UNC5D: variants seen among roughly 807,000 people sequenced by gnomAD.
UNC5D encodes netrin receptor UNC5D.
A neutral mutation model predicts 105.4 loss-of-function variants in UNC5D; 39 were observed. The ratio of observed to expected loss-of-function variants is 0.37; its 90% CI spans 0.29 to 0.48. The LOEUF is 0.48. UNC5D is among the 20% of genes least tolerant of loss of function. UNC5D has a pLI of 0.98. For missense variants in UNC5D, 991 were observed against 1,202.4 expected (o/e 0.82, Z 2.60); for synonymous variants, 452 against 450.4 (o/e 1.00, Z -0.04).
intron 1 of UNC5D, among the ~76,000 whole-genome samples, chr8:35,271,688 C>T (rs1030831986): frequency 1.2e-3 from 11 of 9,376 alleles, no homozygotes; most frequent in Non-Finnish European, 4.0e-3. Flanking sequence ...TATATGTATA[C>T]ATGTATACAT....
At chr8:35,400,779 A>G (rs573397684) in intron 1 of UNC5D, among the ~76,000 whole-genome samples, 190 of 152,268 alleles carry the variant, frequency 1.2e-3, no homozygotes, top group African/African-American at 4.2e-3. Context: ...CACCCCTCTC[A>G]TTCAGCTCCA....
At chr8:35,322,360 C>G (rs1342891219) in intron 1 of UNC5D, among the ~76,000 whole-genome samples, 1 of 149,958 alleles carries the variant, frequency 6.7e-6, no homozygotes, top group Admixed American at 6.6e-5. Flanking sequence ...TTTTGGTTCC[C>G]TTTTGAAAGT....
At chr8:35,243,778 T>C (rs1056543957) in intron 1 of UNC5D, among the ~76,000 whole-genome samples, 1 of 152,202 alleles carries the variant, frequency 6.6e-6, no homozygotes, top group African/African-American at 2.4e-5. Context: ...TGATGCAAGT[T>C]CCATCTCATT....
At chr8:35,356,384 G>A (rs1344816712) in intron 1 of UNC5D, among the ~76,000 whole-genome samples, 1 of 151,960 alleles carries the variant, frequency 6.6e-6, no homozygotes. Context: ...GATGCCTCTG[G>A]GCATCCAACT....
At position 35,704,960 on chromosome 8, in the gene UNC5D, CTTTTT is replaced by C. The variant is rs1001514087; in HGVS notation, c.1085-950_1085-946del. Among the ~76,000 whole-genome samples the C allele has an allele frequency of 1.9e-4, 22 of 115,584 alleles. No individual in the cohort carries two copies. In the South Asian group the frequency reaches 6.0e-3, roughly 31 times the overall value. 75.8% of individuals were successfully genotyped at this position (115,584 alleles called of 152,430 possible). ...TGACTCCTGTGGCCATGCTGAATGC[CTTTTT>C]TTTTTTTTTTTTTTTTTTGAGACGG... On this transcript the variant is annotated intron_variant, in intron 7 of 16. Coordinates refer to ENST00000404895, the MANE Select transcript of UNC5D (RefSeq NM_080872.4).
rs1029840957 is a variant in UNC5D, at chr8:35,687,333, T to G, written c.1084+624T>G. Among the ~76,000 whole-genome samples the G allele has an allele frequency of 4.6e-5, 7 of 151,048 alleles. No homozygotes were observed. The South Asian group carries it at 1.5e-3, about 32-fold the overall frequency. On this transcript the variant is annotated intron_variant, in intron 7 of 16. Coordinates refer to ENST00000404895, the MANE Select transcript of UNC5D (RefSeq NM_080872.4). ...GGTGGGCGCCTGTAGTCCCAGCTAC[T>G]CAGGAGGCTGAGGCAGGAGAATGCC...
intron 13 of UNC5D, among the ~76,000 whole-genome samples, chr8:35,751,846 C>G (rs570794894): frequency 6.6e-6 from 1 of 152,064 alleles, no homozygotes; most frequent in Non-Finnish European, 1.5e-5. Flanking sequence ...CAGACACAAA[C>G]GGAGAAGAGT....
At chr8:35,767,102 T>A (rs1286028689) in intron 15 of UNC5D, 36 bp downstream of exon 15, 3 of 1,570,986 alleles carry the variant, frequency 1.9e-6, no homozygotes, top group South Asian at 2.4e-5. Context: ...TGACCCCCTT[T>A]CTGAAGGACG....
intron 1 of UNC5D, among the ~76,000 whole-genome samples, chr8:35,258,319 C>T (rs2128818901): frequency 6.6e-6 from 1 of 152,352 alleles, no homozygotes; most frequent in South Asian, 2.1e-4. Flanking sequence ...CATATGGTTG[C>T]ATTGGGGATT....
intron 1 of UNC5D, among the ~76,000 whole-genome samples, chr8:35,378,329 C>T (rs766679172): frequency 3.3e-5 from 5 of 152,108 alleles, no homozygotes; most frequent in Admixed American, 6.5e-5. Context: ...GTTGTCTTGC[C>T]GTACTTCCCT....
Position 35,459,825 on chromosome 8 carries a change from C to T in UNC5D, c.104-89467C>T, listed in dbSNP as rs367726978. Among the ~76,000 whole-genome samples the T allele has an allele frequency of 1.4e-4, 22 of 152,202 alleles. No homozygotes were observed. In the East Asian group the frequency reaches 1.9e-3, roughly 13 times the overall value. ...TGTGTTTTGATTTCTAACATATTGT[C>T]GCATATATTTTTAGCTTGATTTTAT... On this transcript the variant is annotated intron_variant, in intron 1 of 16. Transcript: ENST00000404895.
At chr8:35,636,149 G>C (rs1822357368) in intron 4 of UNC5D, among the ~76,000 whole-genome samples, 1 of 152,162 alleles carries the variant, frequency 6.6e-6, no homozygotes, top group Non-Finnish European at 1.5e-5. Flanking sequence ...GATTATGCAG[G>C]AGGTACTGAT....
intron 7 of UNC5D, among the ~76,000 whole-genome samples, chr8:35,705,156 G>A (rs964222482): frequency 3.3e-5 from 5 of 151,974 alleles, no homozygotes; most frequent in Non-Finnish European, 7.4e-5. Flanking sequence ...AGTAGAGACG[G>A]GGTTTCACCG....
At chr8:35,734,555 C>T (rs1829363407) in intron 11 of UNC5D, among the ~76,000 whole-genome samples, 1 of 151,768 alleles carries the variant, frequency 6.6e-6, no homozygotes, top group Non-Finnish European at 1.5e-5. Context: ...GGATTGCAGG[C>T]ATGTGCCACC....
chr8:35,785,368 T>C (rs1802696170), intron 16 of UNC5D, among the ~76,000 whole-genome samples: 2 of 152,102 alleles, frequency 1.3e-5, no homozygotes, highest in East Asian at 1.9e-4. Flanking sequence ...TTTAGGTATA[T>C]ATATATATTG....
intron 8 of UNC5D, among the ~76,000 whole-genome samples, chr8:35,719,371 T>G (rs11995446): frequency 0.061 from 9,241 of 151,734 alleles, 786 homozygotes; most frequent in African/African-American, 0.19. Flanking sequence ...GGTGTGGGTG[T>G]GAAGAGGAAA....
intron 1 of UNC5D, among the ~76,000 whole-genome samples, chr8:35,403,445 G>A (rs1296919990): frequency 6.6e-6 from 1 of 152,222 alleles, no homozygotes; most frequent in African/African-American, 2.4e-5. Flanking sequence ...AGGCACTGAG[G>A]ACAGAGTCTT....
At chr8:35,261,089 A>G (rs1233146216) in intron 1 of UNC5D, among the ~76,000 whole-genome samples, 1 of 152,218 alleles carries the variant, frequency 6.6e-6, no homozygotes, top group African/African-American at 2.4e-5. Context: ...GTAGAGTTAC[A>G]TTCTACTCTG....
intron 1 of UNC5D, among the ~76,000 whole-genome samples, chr8:35,324,732 C>A (rs1365327262): frequency 6.6e-6 from 1 of 152,114 alleles, no homozygotes; most frequent in Non-Finnish European, 1.5e-5. Context: ...AGAGAAGCTG[C>A]AAATTTACTT....
Sources: allele counts gnomAD v4.1 joint callset (sites outside exome capture counted in the v4.1 genomes callset), GRCh38; gene constraint gnomAD v4.1.1; transcripts MANE v1.5; gene names NCBI Gene and HGNC (gene_info 2026-07-23, HGNC 2026-07-21).